Variants in HTATIP2 observed in about 807,000 individuals in gnomAD.
The protein encoded by HTATIP2 is HIV-1 Tat interactive protein 2, also known as protein HTATIP2.
In HTATIP2, 26 loss-of-function variants were observed where a neutral mutation model predicts 24.7. That is an observed-to-expected ratio of 1.05 (90% CI 0.77 to 1.46). The LOEUF (loss-of-function observed/expected upper bound fraction) is 1.46, where lower values mean the gene tolerates loss of function less well. HTATIP2 is among the 40% of genes most tolerant of loss of function. The probability of loss-of-function intolerance (pLI) is 0.00; values close to 1 mark genes in which losing one functional copy is unlikely to be tolerated. For missense variants in HTATIP2, 284 were observed against 289.6 expected, an observed-to-expected ratio of 0.98 and a Z score of 0.14; for synonymous variants, 99 against 113.2, an observed-to-expected ratio of 0.87 and a Z score of 0.79.
At position 20,383,050 on chromosome 11, in the gene HTATIP2, C is replaced by A. The variant is rs780069819; in HGVS notation, c.574C>A (p.Pro192Thr). Residue 192 changes from proline to threonine, a missense_variant, in exon 5 of 5, where the codon CCA becomes ACA. Physicochemically the swap from Pro to Thr is conservative, Grantham distance 38. Coordinates refer to ENST00000451739, the MANE Select transcript of HTATIP2 (RefSeq NM_001098522.2). Reference sequence around the variant, plus strand: ...GGTTAGAAAGTTCTTTGGCTCCTTACCAGACTCTTGGGCCAGTGGGCATTC... The same window carrying A: ...GGTTAGAAAGTTCTTTGGCTCCTTAACAGACTCTTGGGCCAGTGGGCATTC... ...WLVRKFFGSL[P>T]DSWASGHSVP... 1 of 1,613,766 alleles carries A rather than the reference C, an allele frequency of 6.2e-7. No homozygotes were observed. Among genetic ancestry groups the A allele is most frequent in the South Asian group, 1.1e-5 (1 of 91,056 alleles).
intron 2 of HTATIP2, among the ~76,000 whole-genome samples, chr11:20,369,365 T>C (rs2064746780): frequency 6.6e-6 from 1 of 152,248 alleles, no homozygotes; most frequent in Non-Finnish European, 1.5e-5. Context: ...GCAGTCTGTG[T>C]TTCCAGCAGA....
At chr11:20,365,481 T>C (rs1370774958) in intron 1 of HTATIP2, among the ~76,000 whole-genome samples, 1 of 152,220 alleles carries the variant, frequency 6.6e-6, no homozygotes, top group African/African-American at 2.4e-5. Flanking sequence ...ACAGGTTTCA[T>C]AGAAAGAACA....
intron 2 of HTATIP2, chr11:20,367,504 G>A (rs186221694): frequency 2.4e-5 from 34 of 1,439,730 alleles, no homozygotes; most frequent in African/African-American, 2.9e-5. Flanking sequence ...TGCTGGAGAC[G>A]TCGTAAATAT....
intron 3 of HTATIP2, among the ~76,000 whole-genome samples, chr11:20,377,551 G>A (rs918875183): frequency 6.6e-6 from 1 of 152,174 alleles, no homozygotes; most frequent in African/African-American, 2.4e-5. Context: ...GTCTTTGTGT[G>A]CCTCCCTTTG....
Position 20,383,424 on chromosome 11 carries a change from C to A in HTATIP2, c.*219C>A, listed in dbSNP as rs1408412959. ...CTTTGGAAAAATAAAGATTTGTCAGCCCTATCTCAAACTTGAATCAAAATT... is the reference window on the plus strand; with the variant it reads ...CTTTGGAAAAATAAAGATTTGTCAGACCTATCTCAAACTTGAATCAAAATT... On this transcript the variant is annotated 3_prime_UTR_variant, in exon 5 of 5. Coordinates refer to ENST00000451739, the MANE Select transcript of HTATIP2 (RefSeq NM_001098522.2). 3.9e-6 allele frequency: 2 copies of A among 506,604 alleles called. No homozygotes were observed. The highest frequency in any genetic ancestry group is 3.9e-5 in the African/African-American group (2 of 50,910). The allele number at this position is 506,604 out of a possible 1,614,324, so 31.4% of individuals were successfully genotyped here.
At chr11:20,378,919 C>T (rs1367126417) in intron 3 of HTATIP2, among the ~76,000 whole-genome samples, 1 of 152,170 alleles carries the variant, frequency 6.6e-6, no homozygotes, top group Non-Finnish European at 1.5e-5. Flanking sequence ...TGCCTGTAAT[C>T]CCAGCTACTC....
rs757620420 is a variant in HTATIP2 at position 20,383,101 on chromosome 11, G to A, written c.625G>A (p.Ala209Thr). Residue 209 changes from alanine to threonine, a missense_variant, in exon 5 of 5, where the codon GCA (alanine) becomes ACA (threonine). Physicochemically the swap from Ala to Thr is moderately conservative, Grantham distance 58. Transcript: ENST00000451739. The stretch of plus-strand genomic sequence containing the variant: ...TGTGCCTGTGGTGACCGTGGTTAGA[G>A]CAATGCTGAACAATGTGGTGAGACC... ...HSVPVVTVVR[A>T]MLNNVVRPRD... 8 of 1,613,874 alleles carry A rather than the reference G, an allele frequency of 5.0e-6. No individual in the cohort carries two copies. The highest frequency in any genetic ancestry group is 6.8e-6 in the Non-Finnish European group (8 of 1,180,002).
Position 20,376,589 on chromosome 11 carries a change from GT to G in HTATIP2, c.315del (p.Arg106ValfsTer8), listed in dbSNP as rs764184227. 9.9e-6 allele frequency: 16 copies of G among 1,613,744 alleles called. No homozygotes were observed. The highest frequency in any genetic ancestry group is 1.2e-5 in the Non-Finnish European group (14 of 1,179,924). ...TRGKAGAEGFVRVDRDYVLKS... is the reference protein window; with the variant it reads ...TRGKAGAEGFXRVDRDYVLKS... Reference sequence around the variant, plus strand: ...TCCTTTTCCCCCTTAGGAGGGATTTGTTCGTGTTGACCGAGATTATGTGCTG... The same window carrying G: ...TCCTTTTCCCCCTTAGGAGGGATTTGTCGTGTTGACCGAGATTATGTGCTG... On this transcript the variant is annotated frameshift_variant, in exon 3 of 5. Transcript: ENST00000451739. LOFTEE classifies it high-confidence loss of function.
At chr11:20,365,738 G>C (rs767532008) in intron 1 of HTATIP2, among the ~76,000 whole-genome samples, 1 of 152,066 alleles carries the variant, frequency 6.6e-6, no homozygotes, top group African/African-American at 2.4e-5. Flanking sequence ...TTGGGAGTCC[G>C]AGGCAGGGGA....
At chr11:20,372,629 CAT>C (rs1259608248) in intron 2 of HTATIP2, among the ~76,000 whole-genome samples, 4 of 152,162 alleles carry the variant, frequency 2.6e-5, no homozygotes, top group African/African-American at 9.7e-5. Flanking sequence ...GACAGAATGA[CAT>C]GTGGACTTAA....
intron 3 of HTATIP2, among the ~76,000 whole-genome samples, chr11:20,381,128 T>TA (rs1490191268): frequency 9.3e-6 from 1 of 107,734 alleles, no homozygotes; most frequent in Non-Finnish European, 2.0e-5. Context: ...GTGTATATAC[T>TA]AAAAACCACC....
At chr11:20,377,698 C>T (rs1286277731) in intron 3 of HTATIP2, among the ~76,000 whole-genome samples, 1 of 152,202 alleles carries the variant, frequency 6.6e-6, no homozygotes, top group Admixed American at 6.5e-5. Context: ...ATTACTATCT[C>T]GTTAGCCAAC....
At chr11:20,367,305 C>T in intron 2 of HTATIP2, 24 bp downstream of exon 2, 3 of 1,613,624 alleles carry the variant, frequency 1.9e-6, no homozygotes, top group Non-Finnish European at 2.5e-6. Flanking sequence ...ATGCTCTTTT[C>T]CCTTTTTGCT....
intron 1 of HTATIP2, 99 bp downstream of exon 1, chr11:20,364,531 G>T (rs2064674720): frequency 3.8e-6 from 4 of 1,049,976 alleles, no homozygotes; most frequent in Non-Finnish European, 4.1e-6. Context: ...AGTGGTGGGG[G>T]TAGTGAGAGG....
chr11:20,367,201 T>C lies in HTATIP2; in HGVS notation c.223T>C (p.Leu75=), dbSNP rs1166226125. The C allele has an allele frequency of 4.3e-6, 7 of 1,613,990 alleles. No homozygotes were observed. In the African/African-American group the frequency reaches 9.3e-5, roughly 22 times the overall value. The change falls in exon 2 of 5, where the codon TTG becomes CTG. Residue 75 remains leucine (L), a synonymous_variant. Transcript: ENST00000451739. ...VNQEVVDFEK[L]DDYASAFQGH... Reference sequence around the variant, plus strand: ...TCAAGAAGTGGTGGACTTTGAAAAGTTGGATGACTACGCCTCTGCCTTTCA... The same window carrying C: ...TCAAGAAGTGGTGGACTTTGAAAAGCTGGATGACTACGCCTCTGCCTTTCA...
chr11:20,367,328 C>A (rs2133264777), intron 2 of HTATIP2, 47 bp downstream of exon 2: 3 of 1,612,982 alleles, frequency 1.9e-6, no homozygotes, highest in Non-Finnish European at 8.5e-7. Flanking sequence ...CCAGTAATAT[C>A]AAGGATTCTT....
chr11:20,379,213 A>G (rs1157509179), intron 3 of HTATIP2, among the ~76,000 whole-genome samples: 3 of 152,208 alleles, frequency 2.0e-5, no homozygotes, highest in African/African-American at 7.2e-5. Context: ...CAGAGATTGG[A>G]CCGTGACAGA....
chr11:20,372,800 T>G (rs565949475), intron 2 of HTATIP2, among the ~76,000 whole-genome samples: 36 of 152,302 alleles, frequency 2.4e-4, no homozygotes, highest in African/African-American at 8.7e-4. Context: ...GAATAAGATT[T>G]TCGAGATCGC....
intron 2 of HTATIP2, among the ~76,000 whole-genome samples, chr11:20,374,802 A>G (rs757977750): frequency 3.3e-5 from 5 of 152,200 alleles, no homozygotes; most frequent in Non-Finnish European, 7.4e-5. Context: ...GTTTGTTACA[A>G]CAAAATGACA....
Sources: allele counts gnomAD v4.1 joint callset (sites outside exome capture counted in the v4.1 genomes callset), GRCh38; gene constraint gnomAD v4.1.1; transcripts MANE v1.5; gene names NCBI Gene and HGNC (gene_info 2026-07-23, HGNC 2026-07-21).